Variants in SPMIP5 observed in about 807,000 individuals in gnomAD.
SPMIP5 encodes sperm-associated microtubule inner protein 5.
chr10:116,667,000 CT>C, the SPMIP5 span, among the ~76,000 whole-genome samples: 1 of 152,204 alleles, frequency 6.6e-6, no homozygotes, highest in Admixed American at 6.5e-5. Context: ...GTCCTAACCC[CT>C]GGTACCTGTG....
chr10:116,668,077 C>T, the SPMIP5 span, among the ~76,000 whole-genome samples: 1 of 152,224 alleles, frequency 6.6e-6, no homozygotes, highest in African/African-American at 2.4e-5. Flanking sequence ...AGTTCTGCCC[C>T]TCAGAACCCG....
the SPMIP5 span, among the ~76,000 whole-genome samples, chr10:116,667,027 A>T: frequency 6.6e-6 from 1 of 152,336 alleles, no homozygotes; most frequent in African/African-American, 2.4e-5. Flanking sequence ...GCATTTATCT[A>T]CAAATAGGGA....
the SPMIP5 span, chr10:116,664,192 G>A: frequency 2.5e-6 from 4 of 1,614,082 alleles, no homozygotes; most frequent in Non-Finnish European, 3.4e-6. Flanking sequence ...GAAAAATCGG[G>A]ATATTTTGGC....
At chr10:116,663,832 C>T in the SPMIP5 span, 26 of 1,431,676 alleles carry the variant, frequency 1.8e-5, no homozygotes, top group Admixed American at 1.1e-4. Context: ...GCTCACTGGG[C>T]GTGATTCCAA....
the SPMIP5 span, among the ~76,000 whole-genome samples, chr10:116,667,432 G>A: frequency 2.0e-5 from 3 of 152,174 alleles, no homozygotes; most frequent in East Asian, 3.8e-4. Context: ...ATAGAATGTT[G>A]TACTTACCAC....
At chr10:116,663,465 C>A in the SPMIP5 span, among the ~76,000 whole-genome samples, 2 of 152,266 alleles carry the variant, frequency 1.3e-5, no homozygotes, top group Admixed American at 6.5e-5. Context: ...TAGCTGGTAT[C>A]TGCCAACTGG....
the SPMIP5 span, chr10:116,663,704 A>G: frequency 1.8e-6 from 1 of 566,784 alleles, no homozygotes; most frequent in Non-Finnish European, 3.0e-6. Context: ...CATGCGGAGA[A>G]GCAGCCTCTT....
the SPMIP5 span, among the ~76,000 whole-genome samples, chr10:116,663,112 G>GCAGA: frequency 6.7e-6 from 1 of 149,772 alleles, no homozygotes; most frequent in Admixed American, 6.8e-5. Context: ...AACCCAGGAA[G>GCAGA]CAGAGCTTGC....
At chr10:116,665,546 G>A in the SPMIP5 span, 1 of 1,495,040 alleles carries the variant, frequency 6.7e-7, no homozygotes, top group Non-Finnish European at 9.2e-7. Context: ...CAGCTCAGCT[G>A]GCCTATGAGA....
the SPMIP5 span, chr10:116,665,424 AAAAG>A: frequency 1.4e-4 from 83 of 576,032 alleles, no homozygotes; most frequent in African/African-American, 1.1e-3. Context: ...AAAAAAAAGA[AAAAG>A]AAAGAAAGAA....
chr10:116,664,486 G>A, the SPMIP5 span: 7 of 768,328 alleles, frequency 9.1e-6, no homozygotes, highest in Non-Finnish European at 1.4e-5. Flanking sequence ...GCCACTGCCA[G>A]GATGGTAGCC....
the SPMIP5 span, chr10:116,669,784 C>T: frequency 6.6e-6 from 1 of 152,122 alleles, no homozygotes; most frequent in Non-Finnish European, 1.5e-5. Flanking sequence ...CCAAAAGCAT[C>T]AGCTGGGGTA....
At chr10:116,665,960 A>G in the SPMIP5 span, 1 of 751,048 alleles carries the variant, frequency 1.3e-6, no homozygotes, top group Admixed American at 2.8e-5. Context: ...CGTTTTTCCA[A>G]AGGCCATTAA....
chr10:116,668,895 A>G, the SPMIP5 span, among the ~76,000 whole-genome samples: 2 of 147,108 alleles, frequency 1.4e-5, no homozygotes, highest in African/African-American at 2.6e-5. Flanking sequence ...ACATCCTGCA[A>G]TGCTCAGAAG....
At chr10:116,668,915 A>G in the SPMIP5 span, among the ~76,000 whole-genome samples, 1 of 139,448 alleles carries the variant, frequency 7.2e-6, no homozygotes, top group African/African-American at 2.7e-5. Flanking sequence ...GCCTCCCCCC[A>G]CCCGCCGGCA....
At chr10:116,666,715 A>G in the SPMIP5 span, among the ~76,000 whole-genome samples, 22 of 152,048 alleles carry the variant, frequency 1.4e-4, no homozygotes, top group Admixed American at 3.3e-4. Context: ...AGACTCCCCA[A>G]CCCTTGGATG....
chr10:116,664,884 G>C, the SPMIP5 span: 3 of 1,614,068 alleles, frequency 1.9e-6, no homozygotes, highest in East Asian at 2.2e-5. Flanking sequence ...CTTGGCTCTC[G>C]GCAGGTAGCC....
the SPMIP5 span, among the ~76,000 whole-genome samples, chr10:116,668,933 G>GCACACACACACACACACA: frequency 0.014 from 1,937 of 135,312 alleles, 65 homozygotes; most frequent in African/African-American, 0.035. Context: ...GCACACACAT[G>GCACACACACACACACACA]CACACACACA....
chr10:116,664,668 T>C, the SPMIP5 span: 1 of 1,541,412 alleles, frequency 6.5e-7, no homozygotes, highest in South Asian at 1.3e-5. Flanking sequence ...ATAGTCCTAG[T>C]GCTGGGATGG....
Sources: gnomAD v4.1 joint callset for allele counts (sites outside exome capture counted in the v4.1 genomes callset) on GRCh38, gnomAD v4.1.1 for gene constraint, MANE v1.5 for transcripts, NCBI Gene and HGNC (gene_info 2026-07-23, HGNC 2026-07-21) for gene names.